PLCB1: variants seen among roughly 807,000 people sequenced by gnomAD.
PLCB1 encodes phospholipase C beta 1.
A neutral mutation model predicts 161.8 loss-of-function variants in PLCB1; 46 were observed. The ratio of observed to expected loss-of-function variants is 0.28; its 90% CI spans 0.22 to 0.36. PLCB1 has a LOEUF of 0.36. Ranked by LOEUF, PLCB1 falls within the 10% of genes least tolerant of loss-of-function variation. PLCB1 has a pLI of 1.00. For synonymous variants in PLCB1, 517 were observed against 503.7 expected, an observed-to-expected ratio of 1.03 and a Z score of -0.35; for missense variants, 1,016 against 1,472.5, an observed-to-expected ratio of 0.69 and a Z score of 5.07.
chr20:8,314,750 A>G (rs1023241822), intron 2 of PLCB1, among the ~76,000 whole-genome samples: 3 of 152,164 alleles, frequency 2.0e-5, no homozygotes, highest in South Asian at 2.1e-4. Context: ...TTAAGATACA[A>G]TGTAACTCCT....
chr20:8,362,932 A>G (rs986583572), intron 2 of PLCB1, among the ~76,000 whole-genome samples: 11 of 152,162 alleles, frequency 7.2e-5, no homozygotes, highest in African/African-American at 2.7e-4. Flanking sequence ...CATAGGGTCA[A>G]TGATCCTGGG....
intron 9 of PLCB1, among the ~76,000 whole-genome samples, chr20:8,658,910 G>T (rs1388434661): frequency 2.0e-5 from 3 of 152,086 alleles, no homozygotes; most frequent in Non-Finnish European, 4.4e-5. Flanking sequence ...GTTGTTATAT[G>T]TATAGATGCA....
intron 3 of PLCB1, among the ~76,000 whole-genome samples, chr20:8,392,720 A>C (rs1021625494): frequency 6.6e-6 from 1 of 152,194 alleles, no homozygotes; most frequent in African/African-American, 2.4e-5. Context: ...GAACTTAGGA[A>C]TGTATACCAG....
intron 3 of PLCB1, among the ~76,000 whole-genome samples, chr20:8,526,373 C>A (rs1984586961): frequency 6.6e-6 from 1 of 151,946 alleles, no homozygotes. Flanking sequence ...TTCTTTGATG[C>A]ATTTTTACCT....
intron 3 of PLCB1, among the ~76,000 whole-genome samples, chr20:8,492,145 TCA>T (rs1442879848): frequency 6.6e-6 from 1 of 151,934 alleles, no homozygotes; most frequent in Non-Finnish European, 1.5e-5. Context: ...GCAAACCTAC[TCA>T]GTTTTAATAA....
At chr20:8,830,543 C>T (rs909994978) in intron 31 of PLCB1, among the ~76,000 whole-genome samples, 10 of 152,186 alleles carry the variant, frequency 6.6e-5, no homozygotes, top group Admixed American at 3.3e-4. Flanking sequence ...CCACTGAATA[C>T]ACATTTGGTA....
Position 8,651,461 on chromosome 20 carries a change from G to A in PLCB1, c.594+2012G>A, listed in dbSNP as rs771263802. The A allele has an allele frequency of 4.1e-6, 3 of 727,862 alleles. No homozygotes were observed. The Admixed American group carries it at 5.8e-5, about 14-fold the overall frequency. The allele number at this position is 727,862 out of a possible 1,614,324, so 45.1% of individuals were successfully genotyped here. On this transcript the variant is annotated intron_variant, in intron 7 of 31. Coordinates refer to ENST00000338037, the MANE Select transcript of PLCB1 (RefSeq NM_015192.4). ...GAAAAGTGAGCAGAGCTGTGGAAAG[G>A]CTCCCCCAAAACATTTTCACCTTCA...
At chr20:8,608,797 G>A (rs533560274) in intron 3 of PLCB1, among the ~76,000 whole-genome samples, 2 of 152,050 alleles carry the variant, frequency 1.3e-5, no homozygotes, top group African/African-American at 4.8e-5. Context: ...TAATTATTTG[G>A]GTTCCAGATA....
intron 3 of PLCB1, among the ~76,000 whole-genome samples, chr20:8,458,346 AT>A (rs1981421523): frequency 6.6e-6 from 1 of 152,138 alleles, no homozygotes; most frequent in African/African-American, 2.4e-5. Context: ...ATCAATCAAT[AT>A]TTTTTGAATG....
intron 3 of PLCB1, among the ~76,000 whole-genome samples, chr20:8,586,323 C>T (rs12329634): frequency 0.15 from 22,566 of 151,376 alleles, 1,775 homozygotes; most frequent in African/African-American, 0.23. Context: ...TCTTCTGACA[C>T]TTCTTCTTTT....
At chr20:8,246,576 A>G (rs936378857) in intron 2 of PLCB1, among the ~76,000 whole-genome samples, 1 of 151,966 alleles carries the variant, frequency 6.6e-6, no homozygotes, top group African/African-American at 2.4e-5. Flanking sequence ...TACTACCAGG[A>G]CACATAGCAG....
Position 8,873,206 on chromosome 20 carries a change from A to G in PLCB1, c.3424-8416A>G, listed in dbSNP as rs538838520. Among the ~76,000 whole-genome samples the G allele has an allele frequency of 7.9e-5, 12 of 152,316 alleles. No individual in the cohort carries two copies. The South Asian group carries it at 1.7e-3, about 21-fold the overall frequency. On this transcript the variant is annotated intron_variant, in intron 31 of 31. Transcript: ENST00000338037. ...TGGGTAACATGACTAACCTCAGTCTATAAATTTCTTATGATCCTGTTATTT... is the reference window on the plus strand; with the variant it reads ...TGGGTAACATGACTAACCTCAGTCTGTAAATTTCTTATGATCCTGTTATTT...
At chr20:8,531,232 G>GT (rs1175120309) in intron 3 of PLCB1, among the ~76,000 whole-genome samples, 2 of 152,158 alleles carry the variant, frequency 1.3e-5, no homozygotes, top group South Asian at 2.1e-4. Flanking sequence ...ACAAAAGACC[G>GT]TAATTCTCTG....
chr20:8,283,255 T>C lies in PLCB1; in HGVS notation c.178-88127T>C, dbSNP rs535837176. Among the ~76,000 whole-genome samples, 20 of 152,288 alleles carry C rather than the reference T, an allele frequency of 1.3e-4. No homozygotes were observed. In the South Asian group the frequency reaches 3.9e-3, roughly 30 times the overall value. On this transcript the variant is annotated intron_variant, in intron 2 of 31. Coordinates refer to ENST00000338037, the MANE Select transcript of PLCB1 (RefSeq NM_015192.4). ...TCCTATGCCCATGTAAAATTGGTGG[T>C]TCTACAGAAAGAAAAGAAGACTGGT...
intron 2 of PLCB1, among the ~76,000 whole-genome samples, chr20:8,282,762 T>C (rs1488109225): frequency 6.6e-6 from 1 of 152,202 alleles, no homozygotes; most frequent in African/African-American, 2.4e-5. Context: ...AGTTGGATCT[T>C]GTCCCAACTG....
At chr20:8,610,085 A>G (rs1242915338) in intron 3 of PLCB1, among the ~76,000 whole-genome samples, 1 of 152,164 alleles carries the variant, frequency 6.6e-6, no homozygotes, top group Non-Finnish European at 1.5e-5. Context: ...AGACCCTGGT[A>G]ACCATTTACC....
rs542508928 is a variant in PLCB1, at chr20:8,484,279, C to A, written c.246+112829C>A. Among the ~76,000 whole-genome samples the A allele has an allele frequency of 2.3e-4, 35 of 152,078 alleles. No homozygotes were observed. The South Asian group carries it at 6.4e-3, about 28-fold the overall frequency. ...ACCTCAAGTGATCTGCCCACCTTGG[C>A]CTCCCAAAGTGCTGGGATTATAGGC... On this transcript the variant is annotated intron_variant, in intron 3 of 31. Coordinates refer to ENST00000338037, the MANE Select transcript of PLCB1 (RefSeq NM_015192.4).
intron 31 of PLCB1, among the ~76,000 whole-genome samples, chr20:8,861,469 C>T (rs907036763): frequency 2.0e-5 from 3 of 152,178 alleles, no homozygotes; most frequent in African/African-American, 4.8e-5. Flanking sequence ...GAGAGGCTCA[C>T]GCCTGTAATC....
At chr20:8,359,586 C>T (rs1038547517) in intron 2 of PLCB1, among the ~76,000 whole-genome samples, 1 of 151,976 alleles carries the variant, frequency 6.6e-6, no homozygotes, top group African/African-American at 2.4e-5. Flanking sequence ...CTGTCTCTCA[C>T]GTGATGATGA....
Sources: gnomAD v4.1 joint callset for allele counts (sites outside exome capture counted in the v4.1 genomes callset) on GRCh38, gnomAD v4.1.1 for gene constraint, MANE v1.5 for transcripts, NCBI Gene and HGNC (gene_info 2026-07-23, HGNC 2026-07-21) for gene names.